The following TXK variants were observed in gnomAD, a reference collection of about 807,000 sequenced individuals.
TXK encodes the protein TXK tyrosine kinase.
Under a neutral mutation model 81.0 loss-of-function variants are expected in TXK, and 60 were observed. The observed-to-expected ratio is 0.74, with a 90% CI of 0.60 to 0.92. The LOEUF (loss-of-function observed/expected upper bound fraction) is 0.92. Ranked by LOEUF, TXK falls within the 40% of genes least tolerant of loss-of-function variation. TXK has a pLI of 0.00. For synonymous variants in TXK, 203 were observed against 210.7 expected (o/e 0.96, Z 0.32); for missense variants, 581 against 638.3 (o/e 0.91, Z 0.97).
rs1052852278 is a variant in TXK at position 48,067,527 on chromosome 4, C to A, written c.*110G>T. 35 of 1,129,378 alleles carry A rather than the reference C, an allele frequency of 3.1e-5. No homozygotes were observed. In the African/African-American group the frequency reaches 4.9e-4, roughly 16 times the overall value. The allele number at this position is 1,129,378 out of a possible 1,614,324, so 70.0% of individuals were successfully genotyped here. ...TGATCTTTGCACTGTTTTCAAGAGT[C>A]AGCAACTCTGAAGAAAGATATTCAC... On this transcript the variant is annotated 3_prime_UTR_variant, in exon 15 of 15. Transcript: ENST00000264316.
chr4:48,074,927 G>C (rs2109400577), intron 12 of TXK, among the ~76,000 whole-genome samples: 1 of 152,230 alleles, frequency 6.6e-6, no homozygotes, highest in Non-Finnish European at 1.5e-5. Context: ...TCAAGTCTAG[G>C]CTCTTCAGAG....
intron 1 of TXK, among the ~76,000 whole-genome samples, chr4:48,130,304 A>T (rs1719218119): frequency 6.6e-6 from 1 of 152,128 alleles, no homozygotes; most frequent in South Asian, 2.1e-4. Context: ...GTGGGCCAGG[A>T]GTTCTGGAAT....
chr4:48,131,550 T>C lies in TXK; in HGVS notation c.16+2605A>G, dbSNP rs375920750. ...TCATTGTTTTACCCAGCAGAAAATGTAGCCACATTCAGCTGCAATATACAG... is the reference window on the plus strand; with the variant it reads ...TCATTGTTTTACCCAGCAGAAAATGCAGCCACATTCAGCTGCAATATACAG... On this transcript the variant is annotated intron_variant, in intron 1 of 14. Coordinates refer to ENST00000264316, the MANE Select transcript of TXK (RefSeq NM_003328.3). Among the ~76,000 whole-genome samples the C allele has an allele frequency of 1.1e-4, 16 of 152,314 alleles. No homozygotes were observed. In the East Asian group the frequency reaches 2.9e-3, roughly 28 times the overall value.
Position 48,100,032 on chromosome 4 carries a change from C to A in TXK, c.502-4810G>T, listed in dbSNP as rs367850207. ...CTAAAAATACAAAAAATTAGCCGGG[C>A]GCAGTGGCGGGCGCCTGTAGTCCCA... On this transcript the variant is annotated intron_variant, in intron 6 of 14. Coordinates refer to ENST00000264316, the MANE Select transcript of TXK (RefSeq NM_003328.3). Among the ~76,000 whole-genome samples the A allele has an allele frequency of 2.2e-4, 33 of 151,386 alleles. No individual in the cohort carries two copies. The East Asian group carries it at 5.2e-3, about 24-fold the overall frequency.
chr4:48,093,130 C>T (rs1202224074), intron 8 of TXK, among the ~76,000 whole-genome samples: 1 of 152,134 alleles, frequency 6.6e-6, no homozygotes, highest in Non-Finnish European at 1.5e-5. Context: ...CAACTAAGAC[C>T]TTTATTGCCC....
chr4:48,084,201 C>A (rs1235282368), intron 10 of TXK, among the ~76,000 whole-genome samples: 1 of 151,992 alleles, frequency 6.6e-6, no homozygotes, highest in East Asian at 1.9e-4. Flanking sequence ...TTGATCCTCC[C>A]ACCTCAGCCT....
chr4:48,113,132 A>T, intron 3 of TXK, 75 bp downstream of exon 3: 1 of 1,037,902 alleles, frequency 9.6e-7, no homozygotes, highest in Non-Finnish European at 1.5e-6. Flanking sequence ...TGGGCAACAA[A>T]CAGCACCTCA....
rs1263814287 is a variant in TXK, at chr4:48,071,680, A to C, written c.1358-6T>G. ...AACTTCCCACATTAAAACTCCTGCA[A>C]ACAAAAATGCAGGAAAACAAGGGGT... is the stretch of plus-strand genomic sequence containing the variant. On this transcript the variant is annotated splice_region_variant and splice_polypyrimidine_tract_variant and intron_variant, in intron 13 of 14. Transcript: ENST00000264316. 1.2e-6 allele frequency: 2 copies of C among 1,613,362 alleles called. No homozygotes were observed. The highest frequency in any genetic ancestry group is 2.2e-5 in the East Asian group (1 of 44,882).
At chr4:48,110,719 A>G in intron 4 of TXK, 116 bp from the exon 5 acceptor site, 1 of 758,606 alleles carries the variant, frequency 1.3e-6, no homozygotes. Context: ...CATTTTACTG[A>G]TTAAATTGTT....
chr4:48,076,878 C>T (rs931451985), intron 11 of TXK, among the ~76,000 whole-genome samples: 1 of 152,208 alleles, frequency 6.6e-6, no homozygotes, highest in Non-Finnish European at 1.5e-5. Flanking sequence ...ACCCACCCAC[C>T]TTGGCTTCCC....
At chr4:48,130,222 C>T (rs1185333282) in intron 1 of TXK, among the ~76,000 whole-genome samples, 1 of 152,186 alleles carries the variant, frequency 6.6e-6, no homozygotes, top group Non-Finnish European at 1.5e-5. Context: ...TTTTGCCACA[C>T]ACTTAGTTAT....
chr4:48,076,747 G>A (rs778099781), intron 11 of TXK, among the ~76,000 whole-genome samples: 2 of 151,980 alleles, frequency 1.3e-5, no homozygotes, highest in Non-Finnish European at 2.9e-5. Context: ...TCCCACCTTA[G>A]CCTCTTAAGT....
chr4:48,092,749 G>A (rs1258633055), intron 8 of TXK, among the ~76,000 whole-genome samples: 1 of 152,190 alleles, frequency 6.6e-6, no homozygotes, highest in Non-Finnish European at 1.5e-5. Flanking sequence ...TGGCAGGTAA[G>A]GGCAAGAGCA....
At chr4:48,116,852 C>T (rs1196347786) in intron 1 of TXK, among the ~76,000 whole-genome samples, 1 of 152,068 alleles carries the variant, frequency 6.6e-6, no homozygotes, top group African/African-American at 2.4e-5. Flanking sequence ...AGACAGGAAA[C>T]ATCCAGCACA....
chr4:48,131,317 CTT>C (rs35308874), intron 1 of TXK, among the ~76,000 whole-genome samples: 46,935 of 145,024 alleles, frequency 0.32, 8,048 homozygotes, highest in East Asian at 0.68. Context: ...AACATATAAA[CTT>C]TTTTTTTTTT....
chr4:48,131,873 T>G (rs1719254835), intron 1 of TXK, among the ~76,000 whole-genome samples: 1 of 152,196 alleles, frequency 6.6e-6, no homozygotes, highest in African/African-American at 2.4e-5. Context: ...AAGTCACTGC[T>G]GAGCTTGTCC....
chr4:48,079,201 A>AT (rs1717196075), intron 11 of TXK, among the ~76,000 whole-genome samples: 1 of 152,226 alleles, frequency 6.6e-6, no homozygotes, highest in South Asian at 2.1e-4. Flanking sequence ...AACGAAGATG[A>AT]TAACAGCCCT....
chr4:48,121,645 T>C (rs1050339495), intron 1 of TXK, among the ~76,000 whole-genome samples: 2 of 152,214 alleles, frequency 1.3e-5, no homozygotes, highest in African/African-American at 4.8e-5. Context: ...GTAAATGCTA[T>C]GTAAATCATT....
At chr4:48,095,263 T>C (rs1302500478) in intron 6 of TXK, 41 bp from the exon 7 acceptor site, 1 of 1,514,478 alleles carries the variant, frequency 6.6e-7, no homozygotes, top group South Asian at 1.1e-5. Context: ...TATTCCTTCT[T>C]AGAAAGACAA....
Sources: gnomAD v4.1 joint callset for allele counts (sites outside exome capture counted in the v4.1 genomes callset) on GRCh38, gnomAD v4.1.1 for gene constraint, MANE v1.5 for transcripts, NCBI Gene and HGNC (gene_info 2026-07-23, HGNC 2026-07-21) for gene names.